XKR9: variants seen among roughly 807,000 people sequenced by gnomAD.
XKR9 encodes XK related 9.
XKR9 carries 32 observed loss-of-function variants against 32.0 expected under a neutral mutation model. That is an observed-to-expected ratio of 1.00 (90% CI 0.76 to 1.34). XKR9 has a LOEUF of 1.34. Among genes scored for constraint, XKR9 ranks in the 40% most tolerant of loss-of-function variants. The pLI is 0.00. For synonymous variants in XKR9, 168 were observed against 143.4 expected, an observed-to-expected ratio of 1.17 and a Z score of -1.22; for missense variants, 546 against 429.7, an observed-to-expected ratio of 1.27 and a Z score of -2.39.
downstream of XKR9, among the ~76,000 whole-genome samples, chr8:70,794,167 T>G (rs1290190915): frequency 1.3e-5 from 2 of 152,128 alleles, no homozygotes; most frequent in Non-Finnish European, 2.9e-5. Flanking sequence ...TCATTGCCAG[T>G]GTGTTGAAAT....
chr8:70,829,926 TTTC>T, the XKR9 span, among the ~76,000 whole-genome samples: 5 of 152,234 alleles, frequency 3.3e-5, no homozygotes, highest in South Asian at 2.1e-4. Flanking sequence ...AATAAGTTGA[TTTC>T]TTCTTATGAA....
the XKR9 span, among the ~76,000 whole-genome samples, chr8:71,012,600 C>G: frequency 6.6e-6 from 1 of 152,176 alleles, no homozygotes; most frequent in African/African-American, 2.4e-5. Context: ...CCTTTTAGAT[C>G]CTATACCAAC....
chr8:70,966,685 T>C, the XKR9 span, among the ~76,000 whole-genome samples: 1 of 152,224 alleles, frequency 6.6e-6, no homozygotes, highest in African/African-American at 2.4e-5. Flanking sequence ...GTTAATTTTC[T>C]GTTTCAATAA....
chr8:70,999,954 G>T, the XKR9 span, among the ~76,000 whole-genome samples: 1 of 152,036 alleles, frequency 6.6e-6, no homozygotes, highest in Non-Finnish European at 1.5e-5. Flanking sequence ...ATTAAAAATA[G>T]ATATCTTTTA....
chr8:70,931,044 G>A, the XKR9 span, among the ~76,000 whole-genome samples: 8 of 151,820 alleles, frequency 5.3e-5, no homozygotes, highest in Non-Finnish European at 7.4e-5. Flanking sequence ...AGTAGACTTC[G>A]TGATATTTGA....
intron 3 of XKR9, among the ~76,000 whole-genome samples, chr8:70,701,237 G>T (rs11985375): frequency 6.6e-6 from 1 of 151,914 alleles, no homozygotes; most frequent in Non-Finnish European, 1.5e-5. Context: ...AGATGAACAC[G>T]GTACCTCAGA....
At chr8:70,727,107 T>C (rs1261708840) in intron 4 of XKR9, among the ~76,000 whole-genome samples, 2 of 152,156 alleles carry the variant, frequency 1.3e-5, no homozygotes, top group Non-Finnish European at 2.9e-5. Flanking sequence ...ATGGCTGGTA[T>C]TATGGTTTAT....
At chr8:70,680,389 G>T (rs945559915) in intron 2 of XKR9, among the ~76,000 whole-genome samples, 1 of 152,022 alleles carries the variant, frequency 6.6e-6, no homozygotes, top group East Asian at 1.9e-4. Context: ...TGGAATTGCT[G>T]GGCCAAAAGC....
At chr8:70,859,904 T>C in the XKR9 span, among the ~76,000 whole-genome samples, 25 of 152,142 alleles carry the variant, frequency 1.6e-4, no homozygotes, top group Middle Eastern at 6.8e-3. Flanking sequence ...ATGGAAGGAA[T>C]AAATTCCAAT....
chr8:70,692,692 C>T (rs970568998), intron 3 of XKR9, among the ~76,000 whole-genome samples: 1 of 152,108 alleles, frequency 6.6e-6, no homozygotes, highest in African/African-American at 2.4e-5. Flanking sequence ...GATTCTCCTG[C>T]TTCAGCCTCC....
At chr8:70,846,462 A>G in the XKR9 span, among the ~76,000 whole-genome samples, 2 of 152,260 alleles carry the variant, frequency 1.3e-5, no homozygotes, top group East Asian at 3.9e-4. Context: ...AACAAGAGAA[A>G]GAAAGGAACA....
chr8:70,688,715 C>CTTTT (rs11450447), intron 3 of XKR9, among the ~76,000 whole-genome samples: 1 of 144,830 alleles, frequency 6.9e-6, no homozygotes, highest in Non-Finnish European at 1.5e-5. Context: ...TGTGCCTGTC[C>CTTTT]TTTTTTTTTT....
At chr8:70,900,998 T>G in the XKR9 span, among the ~76,000 whole-genome samples, 1 of 152,230 alleles carries the variant, frequency 6.6e-6, no homozygotes, top group Non-Finnish European at 1.5e-5. Context: ...TCATCCTTTT[T>G]TATGGCTGCA....
intron 4 of XKR9, among the ~76,000 whole-genome samples, chr8:70,708,314 G>T (rs1179206968): frequency 1.3e-5 from 2 of 151,968 alleles, no homozygotes; most frequent in South Asian, 4.1e-4. Flanking sequence ...AATTCCAAGG[G>T]ATACATAGCA....
At chr8:70,987,988 C>T in the XKR9 span, among the ~76,000 whole-genome samples, 21 of 152,036 alleles carry the variant, frequency 1.4e-4, no homozygotes, top group Non-Finnish European at 2.2e-4. Context: ...TCGAGCTCTA[C>T]GTTGGCCCCT....
At chr8:70,866,265 G>T in the XKR9 span, among the ~76,000 whole-genome samples, 2 of 152,222 alleles carry the variant, frequency 1.3e-5, no homozygotes, top group Admixed American at 1.3e-4. Flanking sequence ...TGAAGCTGCT[G>T]TTGGAACCCA....
the XKR9 span, among the ~76,000 whole-genome samples, chr8:71,056,336 T>C: frequency 6.6e-6 from 1 of 152,238 alleles, no homozygotes; most frequent in East Asian, 1.9e-4. Flanking sequence ...GTTGTTCTAA[T>C]TTTACATTTG....
chr8:70,918,768 CTTTTTTTT>C, the XKR9 span, among the ~76,000 whole-genome samples: 1 of 64,150 alleles, frequency 1.6e-5, no homozygotes, highest in Non-Finnish European at 3.0e-5. Context: ...TCATGGGATC[CTTTTTTTT>C]TTTTTTTTTT....
At chr8:70,779,870 G>T (rs1017094172) in intron 2 of XKR9, among the ~76,000 whole-genome samples, 5 of 152,066 alleles carry the variant, frequency 3.3e-5, no homozygotes, top group African/African-American at 1.2e-4. Context: ...CTTGCTAGCA[G>T]TGTATCTGTT....
Sources: gnomAD v4.1 joint callset for allele counts (sites outside exome capture counted in the v4.1 genomes callset) on GRCh38, gnomAD v4.1.1 for gene constraint, MANE v1.5 for transcripts, NCBI Gene and HGNC (gene_info 2026-07-23, HGNC 2026-07-21) for gene names.